The following CHCHD6 variants were observed in gnomAD, a reference collection of about 807,000 sequenced individuals.
CHCHD6 encodes the protein coiled-coil-helix-coiled-coil-helix domain containing 6, also known as MICOS complex subunit MIC25.
In CHCHD6, 28 loss-of-function variants were observed where a neutral mutation model predicts 32.3. The ratio of observed to expected loss-of-function variants is 0.87; its 90% CI spans 0.64 to 1.19. The LOEUF is 1.19. Ranked by LOEUF, CHCHD6 falls within the 50% of genes most tolerant of loss-of-function variation. The probability of loss-of-function intolerance (pLI) is 0.00; values close to 1 mark genes in which losing one functional copy is unlikely to be tolerated. For missense variants in CHCHD6, 333 were observed against 307.0 expected (o/e 1.08, Z -0.63); for synonymous variants, 122 against 117.5 (o/e 1.04, Z -0.25).
intron 6 of CHCHD6, among the ~76,000 whole-genome samples, chr3:126,924,183 G>A (rs2078292609): frequency 6.6e-6 from 1 of 152,214 alleles, no homozygotes; most frequent in African/African-American, 2.4e-5. Context: ...TGGGGAAAAA[G>A]CGATTTGTAG....
intron 5 of CHCHD6, among the ~76,000 whole-genome samples, chr3:126,900,779 T>C (rs1346677074): frequency 2.0e-5 from 3 of 151,968 alleles, no homozygotes; most frequent in African/African-American, 7.3e-5. Flanking sequence ...TGATTTTGTA[T>C]TTTTAGTGGA....
chr3:126,898,766 T>G (rs2077878565), intron 5 of CHCHD6, among the ~76,000 whole-genome samples: 1 of 152,204 alleles, frequency 6.6e-6, no homozygotes, highest in African/African-American at 2.4e-5. Flanking sequence ...CTTAAACTCC[T>G]GACCTCAGAT....
At chr3:126,730,220 C>T (rs1000943059) in intron 2 of CHCHD6, among the ~76,000 whole-genome samples, 10 of 152,258 alleles carry the variant, frequency 6.6e-5, no homozygotes, top group East Asian at 3.9e-4. Context: ...AATACCTTCC[C>T]GCAGCCACTC....
intron 4 of CHCHD6, among the ~76,000 whole-genome samples, chr3:126,738,839 T>C (rs1486768985): frequency 6.6e-6 from 1 of 152,242 alleles, no homozygotes; most frequent in Non-Finnish European, 1.5e-5. Context: ...TATAATGATA[T>C]TTGGGAGTCA....
At chr3:126,832,147 G>A (rs1277196766) in intron 4 of CHCHD6, among the ~76,000 whole-genome samples, 1 of 152,210 alleles carries the variant, frequency 6.6e-6, no homozygotes, top group East Asian at 1.9e-4. Flanking sequence ...GCTCAGAGAG[G>A]CAAGGCGGCT....
intron 4 of CHCHD6, among the ~76,000 whole-genome samples, chr3:126,811,241 G>A (rs1021718215): frequency 1.3e-5 from 2 of 152,164 alleles, no homozygotes; most frequent in Non-Finnish European, 2.9e-5. Context: ...TTAATTGAGC[G>A]AAACTAGCCT....
chr3:126,940,698 A>G (rs1412474877), intron 6 of CHCHD6, among the ~76,000 whole-genome samples: 2 of 152,218 alleles, frequency 1.3e-5, no homozygotes, highest in African/African-American at 4.8e-5. Context: ...CCATTTTCCC[A>G]GGACTTCCCA....
chr3:126,729,491 AGC>A (rs1305118046), intron 2 of CHCHD6, among the ~76,000 whole-genome samples: 3 of 152,232 alleles, frequency 2.0e-5, no homozygotes, highest in African/African-American at 4.8e-5. Context: ...TTATATAAAA[AGC>A]AAAAATACCA....
chr3:126,955,690 T>C (rs922854446), intron 6 of CHCHD6, among the ~76,000 whole-genome samples: 18 of 152,250 alleles, frequency 1.2e-4, no homozygotes, highest in Non-Finnish European at 4.4e-5. Flanking sequence ...TGGGTCTTGC[T>C]GGCCTTAGCT....
intron 4 of CHCHD6, among the ~76,000 whole-genome samples, chr3:126,809,305 G>A (rs1031365784): frequency 3.1e-4 from 47 of 152,114 alleles, no homozygotes; most frequent in African/African-American, 9.2e-4. Context: ...GACCCCTTCC[G>A]CCTCTTGGTA....
intron 5 of CHCHD6, among the ~76,000 whole-genome samples, chr3:126,910,273 G>GGAAAAAAAAAAAAAC (rs1553756142): frequency 4.1e-4 from 46 of 111,452 alleles, no homozygotes; most frequent in South Asian, 9.5e-4. Flanking sequence ...CCTGCCTCAG[G>GGAAAAAAAAAAAAAC]AAAAAAAAAA....
At chr3:126,714,509 C>T (rs769181720) in intron 1 of CHCHD6, among the ~76,000 whole-genome samples, 1 of 152,158 alleles carries the variant, frequency 6.6e-6, no homozygotes, top group Non-Finnish European at 1.5e-5. Context: ...AGGGGGTGAT[C>T]TTCTTCGGAT....
intron 4 of CHCHD6, among the ~76,000 whole-genome samples, chr3:126,806,049 TTCAAGA>T (rs1468031400): frequency 1.3e-5 from 2 of 152,298 alleles, no homozygotes; most frequent in Admixed American, 6.5e-5. Flanking sequence ...CAAAAATTAA[TTCAAGA>T]TGGATTAAAG....
intron 5 of CHCHD6, among the ~76,000 whole-genome samples, chr3:126,865,031 C>G (rs1016398973): frequency 5.3e-5 from 8 of 149,894 alleles, no homozygotes; most frequent in Non-Finnish European, 1.2e-4. Flanking sequence ...ACTACCTCTA[C>G]TACCTCTACT....
chr3:126,799,615 C>A (rs556571885), intron 4 of CHCHD6, among the ~76,000 whole-genome samples: 1 of 152,152 alleles, frequency 6.6e-6, no homozygotes, highest in Non-Finnish European at 1.5e-5. Flanking sequence ...GAGCTCGCAT[C>A]GCCCCACATT....
chr3:126,819,085 T>C (rs1368546803), intron 4 of CHCHD6, among the ~76,000 whole-genome samples: 1 of 152,200 alleles, frequency 6.6e-6, no homozygotes, highest in African/African-American at 2.4e-5. Flanking sequence ...GACAGACACT[T>C]GCTTCCTTTC....
intron 7 of CHCHD6, 47 bp from the exon 8 acceptor site, chr3:126,960,149 A>C (rs1559945011): frequency 1.1e-5 from 17 of 1,551,182 alleles, no homozygotes; most frequent in Non-Finnish European, 1.5e-5. Context: ...GCTGGAGGGC[A>C]TGGGCGGAGT....
intron 4 of CHCHD6, among the ~76,000 whole-genome samples, chr3:126,777,600 A>C (rs1937710789): frequency 6.6e-6 from 1 of 152,146 alleles, no homozygotes; most frequent in African/African-American, 2.4e-5. Context: ...GCCACACTGC[A>C]TACTTCCCAC....
At chr3:126,865,930 A>G (rs973680161) in intron 5 of CHCHD6, among the ~76,000 whole-genome samples, 1 of 152,134 alleles carries the variant, frequency 6.6e-6, no homozygotes, top group African/African-American at 2.4e-5. Context: ...TGTGCCAGGA[A>G]CCCTGCTGAA....
Sources: allele counts gnomAD v4.1 joint callset (sites outside exome capture counted in the v4.1 genomes callset), GRCh38; gene constraint gnomAD v4.1.1; transcripts MANE v1.5; gene names NCBI Gene and HGNC (gene_info 2026-07-23, HGNC 2026-07-21).